Variants in BMP7 observed in about 807,000 individuals in gnomAD.
BMP7 encodes the protein osteogenic protein 1.
Under a neutral mutation model 41.2 loss-of-function variants are expected in BMP7, and 12 were observed. The observed-to-expected ratio is 0.29, with a 90% CI of 0.19 to 0.47. The LOEUF is 0.47. Among genes scored for constraint, BMP7 ranks in the 20% least tolerant of loss-of-function variants. BMP7 has a pLI of 0.99. For missense variants in BMP7, 467 were observed against 606.0 expected, an observed-to-expected ratio of 0.77 and a Z score of 2.41; for synonymous variants, 248 against 250.0, an observed-to-expected ratio of 0.99 and a Z score of 0.07.
At chr20:57,208,124 C>T (rs534330301) in intron 2 of BMP7, among the ~76,000 whole-genome samples, 8 of 152,324 alleles carry the variant, frequency 5.3e-5, no homozygotes, top group East Asian at 1.9e-4. Flanking sequence ...CCACCGCACC[C>T]GGCCCCCAGT....
At chr20:57,247,686 T>TTTC (rs572618403) in intron 1 of BMP7, among the ~76,000 whole-genome samples, 72 of 152,200 alleles carry the variant, frequency 4.7e-4, no homozygotes, top group African/African-American at 1.7e-3. Flanking sequence ...CAGGCAGGCG[T>TTTC]TTCTTTCAAG....
Position 57,219,124 on chromosome 20 carries a change from G to A in BMP7, c.611+9105C>T, listed in dbSNP as rs1432799672. ...GTTTGGTGGTAGCTGGTGTTTGTTC[G>A]GTGGTAGCTGTTCGGTGGTAGCTGG... On this transcript the variant is annotated intron_variant, in intron 2 of 6. Transcript: ENST00000395863. 4.0e-5 allele frequency among the ~76,000 whole-genome samples: 5 copies of A among 125,410 alleles called. 1 individual carries two copies. Among genetic ancestry groups the A allele is most frequent in the African/African-American group, 1.2e-4 (2 of 17,118 alleles). The allele number at this position is 125,410 out of a possible 152,430, so 82.3% of individuals were successfully genotyped here.
At chr20:57,264,177 G>A (rs541085380) in intron 1 of BMP7, among the ~76,000 whole-genome samples, 19 of 152,334 alleles carry the variant, frequency 1.2e-4, no homozygotes, top group Non-Finnish European at 2.5e-4. Context: ...ATTAAGTACA[G>A]ACAATGGCCT....
At chr20:57,187,281 T>C (rs1048874789) in intron 3 of BMP7, 1 of 152,254 alleles carries the variant, frequency 6.6e-6, no homozygotes, top group African/African-American at 2.4e-5. Flanking sequence ...AATTTCCTCA[T>C]CTGTAAAATG....
At chr20:57,207,822 T>G (rs1320306907) in intron 2 of BMP7, among the ~76,000 whole-genome samples, 3 of 136,544 alleles carry the variant, frequency 2.2e-5, no homozygotes, top group Non-Finnish European at 3.1e-5. Context: ...TTTTTTTTTT[T>G]TTTTTTTTTT....
chr20:57,243,264 C>A (rs2066076937), intron 1 of BMP7, among the ~76,000 whole-genome samples: 1 of 152,206 alleles, frequency 6.6e-6, no homozygotes, highest in East Asian at 2.0e-4. Flanking sequence ...GCAGGTGTAT[C>A]ACTTGAGTCC....
chr20:57,227,845 A>C lies in BMP7; in HGVS notation c.611+384T>G, dbSNP rs1266217574. 4.6e-5 allele frequency among the ~76,000 whole-genome samples: 7 copies of C among 152,238 alleles called. No individual in the cohort carries two copies. The East Asian group carries it at 1.4e-3, about 29-fold the overall frequency. ...TTCTTCCCCTAACATTTTATTTTAGATGGCCACCTTAATTGGTTGCCTGAC... is the reference window on the plus strand; with the variant it reads ...TTCTTCCCCTAACATTTTATTTTAGCTGGCCACCTTAATTGGTTGCCTGAC... On this transcript the variant is annotated intron_variant, in intron 2 of 6. Coordinates refer to ENST00000395863, the MANE Select transcript of BMP7 (RefSeq NM_001719.3).
At chr20:57,200,309 T>C (rs1984591431) in intron 3 of BMP7, among the ~76,000 whole-genome samples, 1 of 152,230 alleles carries the variant, frequency 6.6e-6, no homozygotes, top group Admixed American at 6.5e-5. Context: ...ATAGCAGGGC[T>C]AGGATTTGAA....
At chr20:57,236,861 C>T (rs2066049752) in intron 1 of BMP7, among the ~76,000 whole-genome samples, 2 of 152,110 alleles carry the variant, frequency 1.3e-5, no homozygotes, top group East Asian at 1.9e-4. Flanking sequence ...CAGGCAAAGC[C>T]GCCTTCATTT....
rs932432673 is a variant in BMP7 at position 57,173,712 on chromosome 20, T to A, written c.1036-402A>T. 14 of 305,500 alleles carry A rather than the reference T, an allele frequency of 4.6e-5. 1 individual carries two copies. Among genetic ancestry groups the A allele is most frequent in the Non-Finnish European group, 7.6e-5 (12 of 158,614 alleles). 18.9% of individuals were successfully genotyped at this position (305,500 alleles called of 1,614,324 possible). ...ATCCTAAAATGGACATCCATGGCTGTGTCTTCTGGACAGAACGCGGCACAG... is the reference window on the plus strand; with the variant it reads ...ATCCTAAAATGGACATCCATGGCTGAGTCTTCTGGACAGAACGCGGCACAG... On this transcript the variant is annotated intron_variant, in intron 5 of 6. Transcript: ENST00000395863.
intron 3 of BMP7, among the ~76,000 whole-genome samples, chr20:57,194,865 C>T (rs1247788503): frequency 6.6e-6 from 1 of 152,208 alleles, no homozygotes; most frequent in African/African-American, 2.4e-5. Context: ...AGCCTGTGAG[C>T]TCGACCCCTG....
chr20:57,185,536 A>C (rs73287963), intron 3 of BMP7, among the ~76,000 whole-genome samples: 2,213 of 152,338 alleles, frequency 0.015, 52 homozygotes, highest in African/African-American at 0.05. Context: ...TAAGCTGGGA[A>C]ATAGAGGGTG....
intron 3 of BMP7, among the ~76,000 whole-genome samples, chr20:57,189,794 C>G (rs1984307453): frequency 6.6e-6 from 1 of 152,202 alleles, no homozygotes; most frequent in Non-Finnish European, 1.5e-5. Context: ...TTATTGAGCA[C>G]CTACTGTGTG....
chr20:57,192,153 G>A (rs6070023), intron 3 of BMP7, among the ~76,000 whole-genome samples: 1 of 120,078 alleles, frequency 8.3e-6, no homozygotes, highest in Non-Finnish European at 1.6e-5. Context: ...ATAATATATA[G>A]TTATACATAG....
chr20:57,171,561 T>C lies in BMP7; in HGVS notation c.1147-453A>G, dbSNP rs1404721813. ...ACGTGAGTGCCACTGATAAGCAAAA[T>C]AGACCGAGGTAAGACAATAGGGAAT... On this transcript the variant is annotated intron_variant, in intron 6 of 6. Transcript: ENST00000395863. This position sits in a 1 kb window ranked among gnomAD's most constrained non-coding sequence, Gnocchi z 4.5. Among the ~76,000 whole-genome samples, 1 of 151,990 alleles carries C rather than the reference T, an allele frequency of 6.6e-6. No individual in the cohort carries two copies. Among genetic ancestry groups the C allele is most frequent in the Non-Finnish European group, 1.5e-5 (1 of 67,994 alleles).
At chr20:57,254,750 C>T (rs575166663) in intron 1 of BMP7, among the ~76,000 whole-genome samples, 6 of 152,188 alleles carry the variant, frequency 3.9e-5, no homozygotes, top group Non-Finnish European at 5.9e-5. Context: ...CTCGAATCCC[C>T]TGTTCATGCA....
chr20:57,187,579 C>CTCTG (rs1468472373), intron 3 of BMP7, among the ~76,000 whole-genome samples: 3 of 151,510 alleles, frequency 2.0e-5, no homozygotes, highest in Non-Finnish European at 4.4e-5. Context: ...CTCTCTCTCT[C>CTCTG]TCTCTACACG....
rs181450928 is a variant in BMP7 at position 57,202,660 on chromosome 20, G to A, written c.612-37C>T. 8 of 1,477,938 alleles carry A rather than the reference G, an allele frequency of 5.4e-6. No individual in the cohort carries two copies. In the Admixed American group the frequency reaches 7.1e-5, roughly 13 times the overall value. 91.6% of individuals were successfully genotyped at this position (1,477,938 alleles called of 1,614,324 possible). On this transcript the variant is annotated intron_variant, in intron 2 of 6. Coordinates refer to ENST00000395863, the MANE Select transcript of BMP7 (RefSeq NM_001719.3). ...GAGGAGAGACACGGGCTTCGCGTTA[G>A]CCAGGTCACAGCTCCACTACCCCAA...
chr20:57,208,178 CT>C (rs1174838603), intron 2 of BMP7, among the ~76,000 whole-genome samples: 2 of 152,212 alleles, frequency 1.3e-5, no homozygotes, highest in Non-Finnish European at 2.9e-5. Flanking sequence ...ACAGATAATT[CT>C]TTCTTATATA....
Sources: gnomAD v4.1 joint callset for allele counts (sites outside exome capture counted in the v4.1 genomes callset) on GRCh38, gnomAD v4.1.1 for gene constraint, Gnocchi (gnomAD v3.1) non-coding constraint, MANE v1.5 for transcripts, NCBI Gene and HGNC (gene_info 2026-07-23, HGNC 2026-07-21) for gene names.